Variants in COL4A2 observed in about 807,000 individuals in gnomAD.
The protein encoded by COL4A2 is collagen type IV alpha 2 chain, also known as collagen alpha-2(IV) chain.
Under a neutral mutation model 200.2 loss-of-function variants are expected in COL4A2, and 99 were observed. The observed-to-expected ratio is 0.49, with a 90% CI of 0.42 to 0.58. The LOEUF (loss-of-function observed/expected upper bound fraction) is 0.58. Ranked by LOEUF, COL4A2 falls within the 20% of genes least tolerant of loss-of-function variation. The pLI is 0.00. For missense variants in COL4A2, 1,950 were observed against 2,314.1 expected, an observed-to-expected ratio of 0.84 and a Z score of 3.23; for synonymous variants, 897 against 900.6, an observed-to-expected ratio of 1.00 and a Z score of 0.07.
At chr13:110,434,577 G>A in intron 12 of COL4A2, 135 bp downstream of exon 12, 7 of 865,272 alleles carry the variant, frequency 8.1e-6, no homozygotes, top group African/African-American at 3.4e-5. Context: ...TTTGCATAGG[G>A]AAATAATCAT....
chr13:110,394,719 C>T (rs1170535669), intron 4 of COL4A2, among the ~76,000 whole-genome samples: 2 of 152,156 alleles, frequency 1.3e-5, no homozygotes, highest in African/African-American at 4.8e-5. Context: ...GGCTCCTCCG[C>T]GGGTGGGCCG....
At chr13:110,441,942 ACCTG>A (rs1881141105) in intron 16 of COL4A2, among the ~76,000 whole-genome samples, 1 of 151,026 alleles carries the variant, frequency 6.6e-6, no homozygotes, top group Non-Finnish European at 1.5e-5. Flanking sequence ...AAAAAAAATT[ACCTG>A]GGTGTGGTTC....
intron 4 of COL4A2, among the ~76,000 whole-genome samples, chr13:110,415,081 T>G (rs1038837914): frequency 6.6e-6 from 1 of 152,126 alleles, no homozygotes; most frequent in Non-Finnish European, 1.5e-5. Flanking sequence ...GCAAACTACA[T>G]GGAGGGAGAA....
chr13:110,369,309 A>G (rs577898327), intron 4 of COL4A2, among the ~76,000 whole-genome samples: 1 of 152,324 alleles, frequency 6.6e-6, no homozygotes, highest in South Asian at 2.1e-4. Context: ...AAGGGCTCCA[A>G]AATCAGAACC....
chr13:110,495,018 TA>T (rs1421324055), intron 39 of COL4A2, among the ~76,000 whole-genome samples: 2 of 152,156 alleles, frequency 1.3e-5, no homozygotes, highest in African/African-American at 4.8e-5. Flanking sequence ...TAATTAAGCA[TA>T]GCCTGAAGAG....
intron 19 of COL4A2, 119 bp downstream of exon 19, chr13:110,449,908 A>G: frequency 3.4e-6 from 4 of 1,167,324 alleles, no homozygotes; most frequent in African/African-American, 1.5e-5. Flanking sequence ...TTCCCCACTG[A>G]CTAGTCTTAG....
Position 110,428,554 on chromosome 13 carries a change from C to G in COL4A2, c.448C>G (p.Pro150Ala), listed in dbSNP as rs1880556292. 1 of 1,576,328 alleles carries G rather than the reference C, an allele frequency of 6.3e-7. No individual in the cohort carries two copies. The highest frequency in any genetic ancestry group is 1.7e-4 in the Middle Eastern group (1 of 5,916). The change falls in exon 7 of 48, where the codon CCC becomes GCC. Residue 150 changes from proline to alanine, a missense_variant. Coordinates refer to ENST00000360467, the MANE Select transcript of COL4A2 (RefSeq NM_001846.4). ...TQGDSGPQGP[P>A]GSEGFTGPPG... Reference sequence around the variant, plus strand: ...GGGAGACTCAGGTCCACAGGGGCCCCCCGGCTCTGAGGGGTTCACCGGGCC... The same window carrying G: ...GGGAGACTCAGGTCCACAGGGGCCCGCCGGCTCTGAGGGGTTCACCGGGCC...
chr13:110,380,357 T>G (rs1037519768), intron 4 of COL4A2, among the ~76,000 whole-genome samples: 5 of 152,212 alleles, frequency 3.3e-5, no homozygotes, highest in African/African-American at 1.2e-4. Flanking sequence ...GAGGAGATTT[T>G]CACAAGAGGA....
chr13:110,465,555 C>T lies in COL4A2; in HGVS notation c.1927C>T (p.Pro643Ser), dbSNP rs1336204648. ...GFPGDAGLPG[P>S]PGFLGPPGPA... ...CCCTGGAGACGCCGGCTTACCTGGA[C>T]CACCAGGCTTCCTGGGCCCTCCTGG... The change falls in exon 25 of 48, where the codon CCA becomes TCA. Residue 643 changes from proline to serine, a missense_variant. Physicochemically the swap from Pro to Ser is moderately conservative, Grantham distance 74. This residue lies in a region of COL4A2 where 1,385 missense variants were observed against 1,720.5 expected (regional missense o/e 0.80). Coordinates refer to ENST00000360467, the MANE Select transcript of COL4A2 (RefSeq NM_001846.4). 3 of 1,613,954 alleles carry T rather than the reference C, an allele frequency of 1.9e-6. No homozygotes were observed. The highest frequency in any genetic ancestry group is 1.7e-4 in the Middle Eastern group (1 of 6,054).
intron 4 of COL4A2, among the ~76,000 whole-genome samples, chr13:110,361,495 G>C (rs1394766862): frequency 6.6e-6 from 1 of 152,176 alleles, no homozygotes; most frequent in Non-Finnish European, 1.5e-5. Context: ...GGCTAGCTCA[G>C]CCTTTTATGG....
chr13:110,343,442 G>A (rs541863950), intron 3 of COL4A2, among the ~76,000 whole-genome samples: 1 of 152,194 alleles, frequency 6.6e-6, no homozygotes, highest in African/African-American at 2.4e-5. Context: ...ATGTGGGAAG[G>A]CATAGGTACA....
chr13:110,492,191 A>G lies in COL4A2; in HGVS notation c.3562+14A>G. The G allele has an allele frequency of 1.9e-6, 3 of 1,549,716 alleles. No individual in the cohort carries two copies. Among genetic ancestry groups the G allele is most frequent in the Non-Finnish European group, 2.6e-6 (3 of 1,145,172 alleles). On this transcript the variant is annotated intron_variant, in intron 38 of 47. Transcript: ENST00000360467. ...CGGGCTTACCAGGTAAGGTCACGTA[A>G]AACACGTGGTCACCCAGACCCAGAG... is the stretch of plus-strand genomic sequence containing the variant.
intron 3 of COL4A2, among the ~76,000 whole-genome samples, chr13:110,336,681 G>T (rs996035467): frequency 2.0e-5 from 3 of 152,194 alleles, no homozygotes; most frequent in Admixed American, 6.5e-5. Flanking sequence ...TGGACCTCAG[G>T]GGGTGGCATC....
At chr13:110,471,024 G>A (rs1882451415) in intron 28 of COL4A2, among the ~76,000 whole-genome samples, 1 of 152,162 alleles carries the variant, frequency 6.6e-6, no homozygotes, top group Non-Finnish European at 1.5e-5. Flanking sequence ...CCAGGGGTTG[G>A]TCTCTGTGGT....
intron 3 of COL4A2, among the ~76,000 whole-genome samples, chr13:110,336,421 G>C (rs970872463): frequency 1.3e-5 from 2 of 152,214 alleles, no homozygotes; most frequent in Non-Finnish European, 2.9e-5. Context: ...AAAACAAAAT[G>C]CATCTTAGAA....
At chr13:110,387,952 C>T (rs1999015) in intron 4 of COL4A2, among the ~76,000 whole-genome samples, 150,061 of 152,278 alleles carry the variant, frequency 0.99, 73,988 homozygotes, top group East Asian at 1. Context: ...TTCCCTCCTG[C>T]CTGCTCTTCT....
At chr13:110,401,379 A>G (rs1164978790) in intron 4 of COL4A2, among the ~76,000 whole-genome samples, 1 of 152,256 alleles carries the variant, frequency 6.6e-6, no homozygotes, top group Non-Finnish European at 1.5e-5. Flanking sequence ...GCATGTGTCA[A>G]ACTCCACAAA....
Position 110,387,086 on chromosome 13 carries a change from A to G in COL4A2, c.180+29534A>G, listed in dbSNP as rs1878783717. Among the ~76,000 whole-genome samples the G allele has an allele frequency of 5.9e-5, 9 of 152,110 alleles. No individual in the cohort carries two copies. The South Asian group carries it at 1.9e-3, about 32-fold the overall frequency. ...AACCCCGTCTCTACTAAAAATACAA[A>G]AAGTTAGCTGGCCGTGGTGGCGGGC... is the stretch of plus-strand genomic sequence containing the variant. On this transcript the variant is annotated intron_variant, in intron 4 of 47. Coordinates refer to ENST00000360467, the MANE Select transcript of COL4A2 (RefSeq NM_001846.4).
At chr13:110,408,174 G>T (rs1246876895) in intron 4 of COL4A2, among the ~76,000 whole-genome samples, 1 of 152,148 alleles carries the variant, frequency 6.6e-6, no homozygotes, top group Non-Finnish European at 1.5e-5. Flanking sequence ...AGGCGGGTCC[G>T]TGGCCACCAG....
Sources: gnomAD v4.1 joint callset for allele counts (sites outside exome capture counted in the v4.1 genomes callset) on GRCh38, gnomAD v4.1.1 for gene constraint, gnomAD v4.1.1 regional missense constraint, MANE v1.5 for transcripts, NCBI Gene and HGNC (gene_info 2026-07-23, HGNC 2026-07-21) for gene names.